Variants in ARHGAP42 observed in about 807,000 individuals in gnomAD.
ARHGAP42 encodes the protein rho GTPase-activating protein 42.
In ARHGAP42, 63 loss-of-function variants were observed where a neutral mutation model predicts 125.0. The observed-to-expected ratio is 0.50, with a 90% CI of 0.41 to 0.62. The LOEUF (loss-of-function observed/expected upper bound fraction) is 0.62, where lower values mean the gene tolerates loss of function less well. Ranked by LOEUF, ARHGAP42 falls within the 20% of genes least tolerant of loss-of-function variation. ARHGAP42 has a pLI of 0.00. For missense variants in ARHGAP42, 766 were observed against 1,024.2 expected (o/e 0.75, Z 3.44); for synonymous variants, 339 against 351.0 (o/e 0.97, Z 0.38).
chr11:100,977,311 C>T lies in ARHGAP42; in HGVS notation c.2393+340C>T, dbSNP rs150310909. On this transcript the variant is annotated intron_variant, in intron 21 of 23. Transcript: ENST00000298815. ...ATTAAAAGCTAAACATCCATCTCTC[C>T]GCTGAAGAGACTGCCACGCATTGAC... Among the ~76,000 whole-genome samples, 72 of 152,270 alleles carry T rather than the reference C, an allele frequency of 4.7e-4. No individual in the cohort carries two copies. The East Asian group carries it at 0.013, about 27-fold the overall frequency.
intron 1 of ARHGAP42, among the ~76,000 whole-genome samples, chr11:100,737,961 T>G (rs1288826294): frequency 3.9e-5 from 6 of 152,190 alleles, no homozygotes; most frequent in African/African-American, 1.4e-4. Context: ...TTGCAAAGTC[T>G]TTATACAGTG....
chr11:100,738,658 CTAAA>C lies in ARHGAP42; in HGVS notation c.155-31680_155-31677del, dbSNP rs549316408. Among the ~76,000 whole-genome samples the C allele has an allele frequency of 3.6e-3, 543 of 152,242 alleles. 4 individuals are homozygous for C. The highest frequency in any genetic ancestry group is 0.012 in the African/African-American group (519 of 41,564). ...TAAAACTTGCAAACAATTTATTCCT[CTAAA>C]TAAAGTAAAAAACTATGTTGCTAGA... On this transcript the variant is annotated intron_variant, in intron 1 of 23. Transcript: ENST00000298815.
intron 16 of ARHGAP42, 113 bp downstream of exon 16, chr11:100,962,580 A>C: frequency 9.9e-7 from 1 of 1,014,268 alleles, no homozygotes; most frequent in Non-Finnish European, 1.4e-6. Flanking sequence ...TATTGCTTAA[A>C]AAGTTGTTAA....
intron 4 of ARHGAP42, among the ~76,000 whole-genome samples, chr11:100,885,114 T>C (rs996137061): frequency 2.3e-4 from 35 of 152,196 alleles, no homozygotes; most frequent in African/African-American, 8.2e-4. Context: ...GGAGTTGGCA[T>C]GTATATTCCG....
intron 1 of ARHGAP42, among the ~76,000 whole-genome samples, chr11:100,729,973 G>C (rs1432628949): frequency 1.3e-5 from 2 of 151,802 alleles, no homozygotes; most frequent in Non-Finnish European, 2.9e-5. Flanking sequence ...ACCACACCTG[G>C]CTAATTTTTG....
intron 17 of ARHGAP42, among the ~76,000 whole-genome samples, chr11:100,970,716 G>T (rs1312605087): frequency 1.3e-5 from 2 of 152,048 alleles, no homozygotes; most frequent in Non-Finnish European, 2.9e-5. Flanking sequence ...ACCCCCTCTG[G>T]GTAAAATCTT....
intron 5 of ARHGAP42, among the ~76,000 whole-genome samples, chr11:100,919,148 G>T (rs1479795868): frequency 1.3e-5 from 2 of 152,068 alleles, no homozygotes; most frequent in Non-Finnish European, 2.9e-5. Flanking sequence ...CCTGCAAGGA[G>T]CTGTGGCATG....
In ARHGAP42 at chr11:100,699,506, A is replaced by ATT. The variant is rs869243290; in HGVS notation, c.154+11706_154+11707dup. On this transcript the variant is annotated intron_variant, in intron 1 of 23. Coordinates refer to ENST00000298815, the MANE Select transcript of ARHGAP42 (RefSeq NM_152432.4). The stretch of plus-strand genomic sequence containing the variant: ...TATATATATATATATATATATATAT[A>ATT]TTTTTTTTTTTTTTTTTTTTTTTTT... 1.5e-3 allele frequency among the ~76,000 whole-genome samples: 48 copies of ATT among 31,748 alleles called. 6 individuals are homozygous for ATT. The highest frequency in any genetic ancestry group is 0.014 in the East Asian group (6 of 444). 20.8% of individuals were successfully genotyped at this position (31,748 alleles called of 152,430 possible).
At chr11:100,756,217 C>A (rs1171577291) in intron 1 of ARHGAP42, among the ~76,000 whole-genome samples, 1 of 96,710 alleles carries the variant, frequency 1.0e-5, no homozygotes, top group Non-Finnish European at 1.9e-5. Flanking sequence ...GAGACCTTGT[C>A]TCTACAAAAA....
Position 100,974,616 on chromosome 11 carries a change from G to A in ARHGAP42, c.1855+13G>A, listed in dbSNP as rs201551423. On this transcript the variant is annotated intron_variant, in intron 19 of 23. Coordinates refer to ENST00000298815, the MANE Select transcript of ARHGAP42 (RefSeq NM_152432.4). ...GCCGAACCTGATAGTAAGTGCACCC[G>A]GCCTTAGGGAGATGCTTTCTTCATT... is the stretch of plus-strand genomic sequence containing the variant. 79 of 1,536,788 alleles carry A rather than the reference G, an allele frequency of 5.1e-5. No individual in the cohort carries two copies. Among genetic ancestry groups the A allele is most frequent in the African/African-American group, 4.1e-4 (30 of 72,656 alleles).
At chr11:100,770,518 A>G (rs1862947845) in intron 2 of ARHGAP42, 80 bp downstream of exon 2, 1 of 987,190 alleles carries the variant, frequency 1.0e-6, no homozygotes, top group Admixed American at 2.9e-5. Context: ...TAAATAATAA[A>G]CATGTAAAAT....
intron 4 of ARHGAP42, among the ~76,000 whole-genome samples, chr11:100,875,384 G>A (rs1865797108): frequency 6.6e-6 from 1 of 152,100 alleles, no homozygotes; most frequent in Non-Finnish European, 1.5e-5. Context: ...GGGGCTAGGG[G>A]TGGGGATGGG....
intron 2 of ARHGAP42, among the ~76,000 whole-genome samples, chr11:100,774,138 A>G (rs1296628488): frequency 2.0e-5 from 3 of 152,232 alleles, no homozygotes; most frequent in Non-Finnish European, 1.5e-5. Context: ...AATTATGTAG[A>G]TAATAAAGAA....
intron 3 of ARHGAP42, among the ~76,000 whole-genome samples, chr11:100,814,753 A>G (rs1864226043): frequency 6.6e-6 from 1 of 152,222 alleles, no homozygotes; most frequent in African/African-American, 2.4e-5. Flanking sequence ...CCAAAGAGAT[A>G]GTGCTAAGCT....
At chr11:100,915,702 G>A (rs1462809578) in intron 5 of ARHGAP42, among the ~76,000 whole-genome samples, 1 of 152,066 alleles carries the variant, frequency 6.6e-6, no homozygotes, top group Non-Finnish European at 1.5e-5. Flanking sequence ...GAAGATAATA[G>A]CATAGTAACA....
At chr11:100,988,603 C>T (rs1299356821) in intron 23 of ARHGAP42, 110 bp from the exon 24 acceptor site, 2 of 818,134 alleles carry the variant, frequency 2.4e-6, no homozygotes, top group Non-Finnish European at 3.8e-6. Context: ...GAACTAATCC[C>T]CCACAGATAC....
intron 19 of ARHGAP42, among the ~76,000 whole-genome samples, chr11:100,975,147 A>G (rs1407165132): frequency 6.6e-6 from 1 of 152,022 alleles, no homozygotes; most frequent in Admixed American, 6.6e-5. Flanking sequence ...CCCCACCCCA[A>G]TTTTTTGCTC....
intron 12 of ARHGAP42, among the ~76,000 whole-genome samples, chr11:100,959,250 C>G (rs982372616): frequency 6.6e-6 from 1 of 151,920 alleles, no homozygotes; most frequent in African/African-American, 2.4e-5. Context: ...AAAATCTAGC[C>G]AAAAAACAAT....
chr11:100,764,025 CTTTTTTTTTT>C (rs772607133), intron 1 of ARHGAP42, among the ~76,000 whole-genome samples: 8 of 101,508 alleles, frequency 7.9e-5, no homozygotes, highest in African/African-American at 2.5e-4. Context: ...TCTTCTTCTT[CTTTTTTTTTT>C]TTTTTTGAGA....
Sources: gnomAD v4.1 joint callset for allele counts (sites outside exome capture counted in the v4.1 genomes callset) on GRCh38, gnomAD v4.1.1 for gene constraint, MANE v1.5 for transcripts, NCBI Gene and HGNC (gene_info 2026-07-23, HGNC 2026-07-21) for gene names.